The following PHKA1 variants were observed in gnomAD, a reference collection of about 807,000 sequenced individuals.
PHKA1 encodes phosphorylase b kinase regulatory subunit alpha, skeletal muscle isoform.
PHKA1 carries 60 observed loss-of-function variants against 110.2 expected under a neutral mutation model. The observed-to-expected ratio is 0.54, with a 90% CI of 0.44 to 0.68. PHKA1 has a LOEUF of 0.68. Among genes scored for constraint, PHKA1 ranks in the 30% least tolerant of loss-of-function variants. The pLI is 0.00. For synonymous variants in PHKA1, 316 were observed against 333.6 expected (o/e 0.95, Z 0.58); for missense variants, 801 against 942.5 (o/e 0.85, Z 1.97).
At chrX:72,669,768 T>G (rs1340054769) in intron 6 of PHKA1, among the ~76,000 whole-genome samples, 2 of 110,401 alleles carry the variant, frequency 1.8e-5, no homozygotes, top group Non-Finnish European at 3.8e-5. Context: ...ATTTTCTTAA[T>G]CCAGACTATC....
intron 17 of PHKA1, among the ~76,000 whole-genome samples, chrX:72,626,619 A>G (rs2053075171): frequency 9.0e-6 from 1 of 111,602 alleles, no homozygotes; most frequent in African/African-American, 3.3e-5. Context: ...GATAGTACTG[A>G]ACCTTATATA....
At chrX:72,632,775 C>T (rs1038017873) in intron 16 of PHKA1, among the ~76,000 whole-genome samples, 1 of 111,892 alleles carries the variant, frequency 8.9e-6, no homozygotes, top group East Asian at 2.8e-4. Context: ...TTGTTTGAGG[C>T]CTGGCTCTGT....
chrX:72,613,376 GAT>G (rs2052841805), intron 21 of PHKA1, among the ~76,000 whole-genome samples: 1 of 84,955 alleles, frequency 1.2e-5, no homozygotes, highest in Admixed American at 1.2e-4. Context: ...TCCATGGGAG[GAT>G]ACACACACAC....
intron 21 of PHKA1, among the ~76,000 whole-genome samples, chrX:72,617,176 C>A (rs1556270531): frequency 9.1e-6 from 1 of 110,135 alleles, no homozygotes; most frequent in African/African-American, 3.3e-5. Context: ...AAAACAGAGA[C>A]TAAAAAAGCA....
At chrX:72,702,378 A>T (rs935971808) in intron 3 of PHKA1, among the ~76,000 whole-genome samples, 2 of 108,160 alleles carry the variant, frequency 1.8e-5, no homozygotes, top group East Asian at 5.8e-4. Flanking sequence ...TGAACCCGGG[A>T]GGCGGAGGTT....
chrX:72,615,295 T>C lies in PHKA1; in HGVS notation c.2369+3415A>G, dbSNP rs144097591. Among the ~76,000 whole-genome samples the C allele has an allele frequency of 2.7e-3, 304 of 111,925 alleles. 1 individual carries two copies. Among genetic ancestry groups the C allele is most frequent in the African/African-American group, 9.7e-3 (299 of 30,836 alleles). ...GAAAGAAAAAGACATTAATGAATAA[T>C]ATGAAAACATCTGAAGATATATGTC... On this transcript the variant is annotated intron_variant, in intron 21 of 31. Coordinates refer to ENST00000373542, the MANE Select transcript of PHKA1 (RefSeq NM_002637.4).
At chrX:72,696,944 C>T (rs1312560485) in intron 3 of PHKA1, among the ~76,000 whole-genome samples, 1 of 111,369 alleles carries the variant, frequency 9.0e-6, no homozygotes, top group African/African-American at 3.3e-5. Flanking sequence ...AGAGCACCCC[C>T]TCAACAGAAT....
chrX:72,609,941 T>C lies in PHKA1; in HGVS notation c.2527-238A>G, dbSNP rs1444439568. Among the ~76,000 whole-genome samples, 10 of 111,477 alleles carry C rather than the reference T, an allele frequency of 9.0e-5. No individual in the cohort carries two copies. In the Admixed American group the frequency reaches 9.5e-4, roughly 11 times the overall value. The stretch of plus-strand genomic sequence containing the variant: ...TGTTTGGTTGGTTTATGGGGTTTTT[T>C]TCTTTCTTTTTAAAAAATTTGTTTA... On this transcript the variant is annotated intron_variant, in intron 22 of 31. Coordinates refer to ENST00000373542, the MANE Select transcript of PHKA1 (RefSeq NM_002637.4).
intron 16 of PHKA1, among the ~76,000 whole-genome samples, chrX:72,628,932 CT>C (rs1458132188): frequency 5.8e-4 from 64 of 110,921 alleles, no homozygotes; most frequent in Non-Finnish European, 9.4e-4. Context: ...ATGTTTAGCT[CT>C]TTAATCTATT....
chrX:72,660,406 T>G (rs967543288), intron 8 of PHKA1: 2 of 171,071 alleles, frequency 1.2e-5, no homozygotes, highest in African/African-American at 6.2e-5. Flanking sequence ...GTATGTAGTC[T>G]TTGAGGTTTG....
chrX:72,643,083 C>T (rs1019004698), intron 14 of PHKA1, among the ~76,000 whole-genome samples: 7 of 110,754 alleles, frequency 6.3e-5, no homozygotes, highest in African/African-American at 2.3e-4. Flanking sequence ...GACTCTTGGT[C>T]CTTTCCTCCT....
chrX:72,655,914 G>A (rs1410198966), intron 10 of PHKA1, among the ~76,000 whole-genome samples: 2 of 112,123 alleles, frequency 1.8e-5, no homozygotes, highest in African/African-American at 6.5e-5. Flanking sequence ...GCCACCACAC[G>A]CGGCCGAAAC....
At chrX:72,626,761 G>A (rs782631155) in intron 17 of PHKA1, among the ~76,000 whole-genome samples, 2 of 110,871 alleles carry the variant, frequency 1.8e-5, no homozygotes, top group South Asian at 7.6e-4. Context: ...TTATGTGAAC[G>A]TAGTCTCTCT....
intron 16 of PHKA1, among the ~76,000 whole-genome samples, chrX:72,633,225 A>T (rs782313561): frequency 8.9e-6 from 1 of 112,083 alleles, no homozygotes; most frequent in Admixed American, 9.5e-5. Context: ...TGATAGCATT[A>T]AGAAGTAGGC....
chrX:72,638,262 A>G (rs1231323752), intron 14 of PHKA1, among the ~76,000 whole-genome samples: 1 of 108,465 alleles, frequency 9.2e-6, no homozygotes, highest in Non-Finnish European at 1.9e-5. Flanking sequence ...AGAACTTCCA[A>G]TGATGGCCGA....
chrX:72,663,898 G>A (rs2053589072), intron 8 of PHKA1, among the ~76,000 whole-genome samples: 1 of 108,849 alleles, frequency 9.2e-6, no homozygotes, highest in African/African-American at 3.3e-5. Flanking sequence ...ATACAGAAAG[G>A]AGCACATACA....
chrX:72,689,433 T>C (rs1286693943), intron 4 of PHKA1, among the ~76,000 whole-genome samples: 1 of 111,887 alleles, frequency 8.9e-6, no homozygotes, highest in Non-Finnish European at 1.9e-5. Flanking sequence ...ATGTGGCCTT[T>C]TATGTCTGGG....
intron 23 of PHKA1, among the ~76,000 whole-genome samples, chrX:72,608,570 G>A (rs1294319363): frequency 1.8e-5 from 2 of 111,231 alleles, no homozygotes; most frequent in Non-Finnish European, 3.8e-5. Context: ...TTAAGCCCGC[G>A]GTGGTGAAGC....
rs1190898657 is a variant in PHKA1, at chrX:72,578,927, C to T, written c.*2075G>A. The T allele has an allele frequency of 9.0e-6, 1 of 111,649 alleles. No homozygotes were observed. The allele number at this position is 111,649 out of a possible 1,213,427, so 9.2% of individuals were successfully genotyped here. A position where few individuals can be genotyped will look rare whatever the true frequency, so the allele number is the denominator to read the frequency against. On this transcript the variant is annotated 3_prime_UTR_variant, in exon 32 of 32. Transcript: ENST00000373542. ...AAAGTCTAACATGTCTTTTTAGTACCACACACTTAAAATGAACAAAAAACA... is the reference window on the plus strand; with the variant it reads ...AAAGTCTAACATGTCTTTTTAGTACTACACACTTAAAATGAACAAAAAACA...
Sources: gnomAD v4.1 joint callset for allele counts (sites outside exome capture counted in the v4.1 genomes callset) on GRCh38, gnomAD v4.1.1 for gene constraint, MANE v1.5 for transcripts, NCBI Gene and HGNC (gene_info 2026-07-23, HGNC 2026-07-21) for gene names.